TRA2A: variants seen among roughly 807,000 people sequenced by gnomAD.
TRA2A encodes the protein transformer 2 alpha homolog, also known as transformer-2 protein homolog alpha.
A neutral mutation model predicts 45.7 loss-of-function variants in TRA2A; 31 were observed. The observed-to-expected ratio is 0.68, with a 90% CI of 0.51 to 0.92. TRA2A has a LOEUF of 0.92. Ranked by LOEUF, TRA2A falls within the 40% of genes least tolerant of loss-of-function variation. The pLI is 0.00. For missense variants in TRA2A, 304 were observed against 367.5 expected, an observed-to-expected ratio of 0.83 and a Z score of 1.41; for synonymous variants, 132 against 126.2, an observed-to-expected ratio of 1.05 and a Z score of -0.31.
At chr7:23,531,750 G>A (rs200284874) in intron 1 of TRA2A, 39 bp downstream of exon 1, 9 of 1,611,148 alleles carry the variant, frequency 5.6e-6, no homozygotes, top group Non-Finnish European at 7.6e-6. Flanking sequence ...CCCGAGCATT[G>A]GGCCGCCGCC....
intron 4 of TRA2A, among the ~76,000 whole-genome samples, chr7:23,508,693 A>G (rs1789452833): frequency 6.6e-6 from 1 of 152,132 alleles, no homozygotes; most frequent in African/African-American, 2.4e-5. Context: ...ATGGGGTTTC[A>G]CCATGTTGGC....
At chr7:23,531,213 A>G in intron 1 of TRA2A, 1 of 987,008 alleles carries the variant, frequency 1.0e-6, no homozygotes, top group Non-Finnish European at 1.2e-6. Context: ...CTTCAACCTC[A>G]AGGCTTTCGC....
intron 3 of TRA2A, among the ~76,000 whole-genome samples, chr7:23,515,496 T>C (rs980623924): frequency 1.3e-5 from 2 of 151,824 alleles, no homozygotes; most frequent in Admixed American, 6.6e-5. Context: ...GGATTACAAG[T>C]GTGAGCCACC....
chr7:23,531,494 A>G (rs1649876055), intron 1 of TRA2A: 1 of 506,514 alleles, frequency 2.0e-6, no homozygotes, highest in Non-Finnish European at 3.5e-6. Flanking sequence ...CGGAGCAGAC[A>G]TAAGGAAGCC....
At chr7:23,508,838 G>C (rs1021470145) in intron 4 of TRA2A, among the ~76,000 whole-genome samples, 2 of 152,032 alleles carry the variant, frequency 1.3e-5, no homozygotes, top group African/African-American at 4.8e-5. Flanking sequence ...TGCCCAGGCT[G>C]GTCTCTTAAC....
At chr7:23,528,235 G>T (rs1003714122) in intron 1 of TRA2A, among the ~76,000 whole-genome samples, 4 of 151,966 alleles carry the variant, frequency 2.6e-5, no homozygotes, top group Non-Finnish European at 5.9e-5. Flanking sequence ...TTTTTGAGAC[G>T]AGTCTCGCTC....
chr7:23,505,438 A>G lies in TRA2A; in HGVS notation c.*121T>C. On this transcript the variant is annotated 3_prime_UTR_variant, in exon 8 of 8. Coordinates refer to ENST00000297071, the MANE Select transcript of TRA2A (RefSeq NM_013293.5). ...CAACTGACAAAAGTGTAGATGCTAA[A>G]TAAACCAAAGTTTTTTTCTTAAGGA... is the stretch of plus-strand genomic sequence containing the variant. 2 of 540,914 alleles carry G rather than the reference A, an allele frequency of 3.7e-6. No homozygotes were observed. The highest frequency in any genetic ancestry group is 3.3e-6 in the Non-Finnish European group (1 of 301,562). 33.5% of individuals were successfully genotyped at this position (540,914 alleles called of 1,614,324 possible). A position where few individuals can be genotyped will look rare whatever the true frequency, so the allele number is the denominator to read the frequency against.
chr7:23,518,020 CCT>C (rs1043658808), intron 2 of TRA2A, among the ~76,000 whole-genome samples: 2 of 151,988 alleles, frequency 1.3e-5, no homozygotes, highest in Non-Finnish European at 2.9e-5. Context: ...CTCACTGCAA[CCT>C]CTCTCTCCCA....
rs1409502898 is a variant in TRA2A, at chr7:23,508,863, G to C, written c.526-1328C>G. Reference sequence around the variant, plus strand: ...GGTCTCTTAACTCGTGGCCTCAAGTGGCCTTCCCACCTCAGCCTCCCAAAT... The same window carrying C: ...GGTCTCTTAACTCGTGGCCTCAAGTCGCCTTCCCACCTCAGCCTCCCAAAT... On this transcript the variant is annotated intron_variant, in intron 4 of 7. Transcript: ENST00000297071. Among the ~76,000 whole-genome samples, 3 of 151,996 alleles carry C rather than the reference G, an allele frequency of 2.0e-5. No individual in the cohort carries two copies. In the South Asian group the frequency reaches 6.2e-4, roughly 31 times the overall value.
chr7:23,505,585 C>CAAAAAAAAAAAAAAAAAA lies in TRA2A; in HGVS notation c.839-34_839-17dup, dbSNP rs5882904. ...CAATAGCGTCCTAAAAGAGAAAAAG[C>CAAAAAAAAAAAAAAAAAA]AAAAAAAAAAAAAAAAAAAAAAAGT... On this transcript the variant is annotated splice_polypyrimidine_tract_variant and intron_variant, in intron 7 of 7. Coordinates refer to ENST00000297071, the MANE Select transcript of TRA2A (RefSeq NM_013293.5). 146 of 244,866 alleles carry CAAAAAAAAAAAAAAAAAA rather than the reference C, an allele frequency of 6.0e-4. No homozygotes were observed. The highest frequency in any genetic ancestry group is 2.2e-3 in the South Asian group (22 of 9,804). The allele number at this position is 244,866 out of a possible 1,614,324, so 15.2% of individuals were successfully genotyped here.
chr7:23,516,430 T>G lies in TRA2A; in HGVS notation c.269A>C (p.Glu90Ala). Residue 90 changes from glutamate (E) to alanine (A), a missense_variant, in exon 3 of 8, where the codon GAA (glutamate) becomes GCA (alanine). Around this residue, in one of 3 missense-constraint regions of TRA2A, gnomAD observed 132 missense variants for 113.4 expected, o/e 1.16. Coordinates refer to ENST00000297071, the MANE Select transcript of TRA2A (RefSeq NM_013293.5). The part of the protein sequence containing the change: ...RRSRSRSYTP[E>A]YRRRRSRSHS... The stretch of plus-strand genomic sequence containing the variant: ...GCTTCGGCTCCTTCGCCGCCGGTAT[T>G]CTGGTGTATATGATCTACTTCGAGA... 6.2e-7 allele frequency: 1 copy of G among 1,614,264 alleles called. No individual in the cohort carries two copies. The highest frequency in any genetic ancestry group is 8.5e-7 in the Non-Finnish European group (1 of 1,180,044).
Position 23,506,394 on chromosome 7 carries a change from G to A in TRA2A, c.642-128C>T, listed in dbSNP as rs796301104. 1.4e-4 allele frequency: 168 copies of A among 1,181,916 alleles called. No homozygotes were observed. The African/African-American group carries it at 2.0e-3, about 14-fold the overall frequency. The allele number at this position is 1,181,916 out of a possible 1,614,324, so 73.2% of individuals were successfully genotyped here. ...ATCCCTTTCATGAGAAATTGCCTCCGTATCTCATTTTACTGACTCCCATGG... is the reference window on the plus strand; with the variant it reads ...ATCCCTTTCATGAGAAATTGCCTCCATATCTCATTTTACTGACTCCCATGG... On this transcript the variant is annotated intron_variant, in intron 5 of 7. Coordinates refer to ENST00000297071, the MANE Select transcript of TRA2A (RefSeq NM_013293.5).
chr7:23,530,684 A>AT (rs1790538148), intron 1 of TRA2A, among the ~76,000 whole-genome samples: 1 of 152,158 alleles, frequency 6.6e-6, no homozygotes, highest in Non-Finnish European at 1.5e-5. Context: ...TAAGCTGGGG[A>AT]TATCGTATTC....
Position 23,506,174 on chromosome 7 carries a change from C to T in TRA2A, c.734G>A (p.Gly245Glu), listed in dbSNP as rs777557247. 2 of 1,613,118 alleles carry T rather than the reference C, an allele frequency of 1.2e-6. No individual in the cohort carries two copies. The highest frequency in any genetic ancestry group is 1.7e-6 in the Non-Finnish European group (2 of 1,179,408). Reference sequence around the variant, plus strand: ...ATCATAGTCTTCATATCTGTCATACCCACGATCATATCCTCTATCATAGTA... The same window carrying T: ...ATCATAGTCTTCATATCTGTCATACTCACGATCATATCCTCTATCATAGTA... ...DSYYDRGYDR[G>E]YDRYEDYDYR... Residue 245 changes from glycine to glutamate, a missense_variant, in exon 6 of 8, where the codon GGG becomes GAG. By Grantham distance (98) the Gly-to-Glu change is moderately conservative. Coordinates refer to ENST00000297071, the MANE Select transcript of TRA2A (RefSeq NM_013293.5).
In TRA2A at chr7:23,516,173, G is replaced by A. The variant is rs553160146; in HGVS notation, c.336+190C>T. Among the ~76,000 whole-genome samples the A allele has an allele frequency of 1.3e-4, 20 of 152,246 alleles. No individual in the cohort carries two copies. In the East Asian group the frequency reaches 3.9e-3, roughly 29 times the overall value. On this transcript the variant is annotated intron_variant, in intron 3 of 7. Transcript: ENST00000297071. Reference sequence around the variant, plus strand: ...AAAATATACTTCCTTTGCATTCTTTGTCATAAAACATGGTAAGCTTACGAA... The same window carrying A: ...AAAATATACTTCCTTTGCATTCTTTATCATAAAACATGGTAAGCTTACGAA...
Position 23,507,461 on chromosome 7 carries a change from C to T in TRA2A, c.600G>A (p.Ala200=), listed in dbSNP as rs770217015. 1.2e-5 allele frequency: 19 copies of T among 1,613,958 alleles called. No individual in the cohort carries two copies. The highest frequency in any genetic ancestry group is 6.7e-5 in the African/African-American group (5 of 74,912). ...IRVDYSITKR[A]HTPTPGIYMG... is the part of the protein sequence containing the mutation. The stretch of plus-strand genomic sequence containing the variant: ...TGTAGATGCCTGGTGTTGGTGTGTG[C>T]GCTCTCTTGGTTATAGAATAATCCA... The change falls in exon 5 of 8, where the codon GCG becomes GCA. Residue 200 remains alanine (A), a synonymous_variant. Coordinates refer to ENST00000297071, the MANE Select transcript of TRA2A (RefSeq NM_013293.5).
At chr7:23,523,625 CTG>C (rs1790225075) in intron 1 of TRA2A, among the ~76,000 whole-genome samples, 2 of 152,164 alleles carry the variant, frequency 1.3e-5, no homozygotes, top group Admixed American at 1.3e-4. Context: ...AAAAACAAAA[CTG>C]AAATACACAG....
chr7:23,511,705 C>G (rs115768651), intron 4 of TRA2A, among the ~76,000 whole-genome samples: 1 of 152,082 alleles, frequency 6.6e-6, no homozygotes, highest in African/African-American at 2.4e-5. Context: ...CTAAGCAACA[C>G]AGCAAGACTC....
At chr7:23,508,639 C>T (rs989967337) in intron 4 of TRA2A, among the ~76,000 whole-genome samples, 1 of 152,150 alleles carries the variant, frequency 6.6e-6, no homozygotes. Flanking sequence ...GGACTACAGG[C>T]ATGCGCCACC....
Sources: gnomAD v4.1 joint callset for allele counts (sites outside exome capture counted in the v4.1 genomes callset) on GRCh38, gnomAD v4.1.1 for gene constraint, gnomAD v4.1.1 regional missense constraint, MANE v1.5 for transcripts, NCBI Gene and HGNC (gene_info 2026-07-23, HGNC 2026-07-21) for gene names.